Variants in PCSK1 observed in about 807,000 individuals in gnomAD.
PCSK1 encodes the protein proprotein convertase subtilisin/kexin type 1.
A neutral mutation model predicts 90.6 loss-of-function variants in PCSK1; 56 were observed. The observed-to-expected ratio is 0.62, with a 90% CI of 0.50 to 0.77. The LOEUF (loss-of-function observed/expected upper bound fraction) is 0.77. Ranked by LOEUF, PCSK1 falls within the 30% of genes least tolerant of loss-of-function variation. The pLI is 0.00. For synonymous variants in PCSK1, 348 were observed against 342.4 expected, an observed-to-expected ratio of 1.02 and a Z score of -0.18; for missense variants, 801 against 932.6, an observed-to-expected ratio of 0.86 and a Z score of 1.84.
chr5:96,393,907 C>T (rs1222403310), intron 13 of PCSK1, among the ~76,000 whole-genome samples: 1 of 152,150 alleles, frequency 6.6e-6, no homozygotes, highest in Non-Finnish European at 1.5e-5. Context: ...AGCTGGAGAG[C>T]TCAGAGAAGC....
chr5:96,432,134 A>G (rs931750834), intron 1 of PCSK1: 37 of 1,535,662 alleles, frequency 2.4e-5, no homozygotes, highest in Admixed American at 2.0e-4. Flanking sequence ...TCAGTTCGGC[A>G]TCTCGACCCT....
chr5:96,417,487 T>C (rs946031999), intron 5 of PCSK1, among the ~76,000 whole-genome samples: 17 of 152,068 alleles, frequency 1.1e-4, no homozygotes, highest in African/African-American at 3.6e-4. Flanking sequence ...ATGTAGATTA[T>C]AGGGAAGAAA....
chr5:96,422,498 A>G (rs1445363242), intron 4 of PCSK1, among the ~76,000 whole-genome samples: 3 of 151,934 alleles, frequency 2.0e-5, no homozygotes, highest in Admixed American at 6.6e-5. Context: ...TCCAGGCTCC[A>G]CTCCCTTTTC....
rs568831580 is a variant in PCSK1 at position 96,402,789 on chromosome 5, C to T, written c.1197-2603G>A. Among the ~76,000 whole-genome samples the T allele has an allele frequency of 1.4e-4, 21 of 152,198 alleles. No homozygotes were observed. The South Asian group carries it at 1.5e-3, about 11-fold the overall frequency. On this transcript the variant is annotated intron_variant, in intron 9 of 13. Transcript: ENST00000311106. ...GCTCAGCTCACCTGAGCTGAGCTCC[C>T]GACAAACATACCACTTTACCCTGGA...
chr5:96,421,237 A>G (rs1193579551), intron 5 of PCSK1, among the ~76,000 whole-genome samples: 1 of 152,184 alleles, frequency 6.6e-6, no homozygotes, highest in Non-Finnish European at 1.5e-5. Context: ...CTCTCTCACC[A>G]TAATGTGGCT....
At chr5:96,408,511 A>G (rs1238491326) in intron 8 of PCSK1, among the ~76,000 whole-genome samples, 188 bp from the exon 9 acceptor site, 1 of 152,160 alleles carries the variant, frequency 6.6e-6, no homozygotes, top group East Asian at 1.9e-4. Context: ...TTCACCCTCT[A>G]TATGCAACTT....
Position 96,408,282 on chromosome 5 carries a change from T to C in PCSK1, c.1137A>G (p.Thr379=). The change falls in exon 9 of 14, where the codon ACA becomes ACG. Residue 379 remains threonine (T), a synonymous_variant. Coordinates refer to ENST00000311106, the MANE Select transcript of PCSK1 (RefSeq NM_000439.5). ...DLHNDCTETH[T]GTSASAPLAA... is the part of the protein sequence containing the mutation. ...CCAGAGGTGCAGAGGCCGAGGTGCC[T>C]GTGTGCGTCTCCGTGCAGTCATTGT... is the stretch of plus-strand genomic sequence containing the variant. 3 of 1,614,092 alleles carry C rather than the reference T, an allele frequency of 1.9e-6. No individual in the cohort carries two copies. The highest frequency in any genetic ancestry group is 1.1e-5 in the South Asian group (1 of 91,072).
intron 9 of PCSK1, among the ~76,000 whole-genome samples, chr5:96,401,941 ATCAG>A (rs1760390485): frequency 1.3e-5 from 2 of 152,236 alleles, no homozygotes; most frequent in Admixed American, 1.3e-4. Context: ...GCTCCTAGTC[ATCAG>A]TCAGATTCTC....
chr5:96,415,646 A>G (rs1208405577), intron 6 of PCSK1, among the ~76,000 whole-genome samples: 19 of 152,200 alleles, frequency 1.2e-4, no homozygotes, highest in Admixed American at 1.2e-3. Context: ...GTTCTTCTCT[A>G]TAAAGTGAAG....
In PCSK1 at chr5:96,432,919, C is replaced by T; in HGVS notation, c.124G>A (p.Gly42Ser). 1 of 1,614,096 alleles carries T rather than the reference C, an allele frequency of 6.2e-7. No individual in the cohort carries two copies. Among genetic ancestry groups the T allele is most frequent in the Non-Finnish European group, 8.5e-7 (1 of 1,179,984 alleles). ...VNEWAAEIPG[G>S]PEAASAIAEE... ...GCGATGGCCGAGGCTGCTTCCGGGC[C>T]CCCGGGGATCTCCGCTGCCCATTCA... The change falls in exon 1 of 14, where the codon GGC becomes AGC. Residue 42 changes from glycine to serine, a missense_variant. Coordinates refer to ENST00000311106, the MANE Select transcript of PCSK1 (RefSeq NM_000439.5).
Position 96,429,310 on chromosome 5 carries a change from G to A in PCSK1, c.188C>T (p.Ser63Leu), listed in dbSNP as rs756287752. 9 of 1,538,978 alleles carry A rather than the reference G, an allele frequency of 5.8e-6. No individual in the cohort carries two copies. Among genetic ancestry groups the A allele is most frequent in the Non-Finnish European group, 8.1e-6 (9 of 1,111,790 alleles). Reference sequence around the variant, plus strand: ...TTTGAATAAGTAGTGATTTTCAAGTGAACCAATCTATAAAAGGAAAGAAAT... The same window carrying A: ...TTTGAATAAGTAGTGATTTTCAAGTAAACCAATCTATAAAAGGAAAGAAAT... Reference protein sequence around the residue: ...LGYDLLGQIGSLENHYLFKHK... With the variant: ...LGYDLLGQIGLLENHYLFKHK... Residue 63 changes from serine (S) to leucine (L), a missense_variant, in exon 2 of 14, where the codon TCA (serine) becomes TTA (leucine). Transcript: ENST00000311106.
rs183296552 is a variant in PCSK1 at position 96,397,521 on chromosome 5, T to C, written c.1589-52A>G. On this transcript the variant is annotated intron_variant, in intron 11 of 13. Transcript: ENST00000311106. ...TGTCCTAATAGCTCTGATAGTAGGA[T>C]ACACTCTAGCATCTGATAACTGAAA... 4.2e-5 allele frequency: 62 copies of C among 1,479,882 alleles called. 1 individual carries two copies. The East Asian group carries it at 9.5e-4, about 23-fold the overall frequency. The allele number at this position is 1,479,882 out of a possible 1,614,324, so 91.7% of individuals were successfully genotyped here. A position where few individuals can be genotyped will look rare whatever the true frequency, so the allele number is the denominator to read the frequency against.
chr5:96,432,082 C>T, intron 1 of PCSK1: 3 of 1,531,844 alleles, frequency 2.0e-6, no homozygotes, highest in Non-Finnish European at 2.6e-6. Flanking sequence ...CGATTACGTA[C>T]TTGGCTGAAG....
intron 9 of PCSK1, among the ~76,000 whole-genome samples, chr5:96,401,034 C>A (rs1760344562): frequency 7.7e-6 from 1 of 129,232 alleles, no homozygotes; most frequent in African/African-American, 3.1e-5. Context: ...TTGCAGTGAG[C>A]CAAGATTGTG....
At chr5:96,426,669 G>A (rs1221034683) in intron 2 of PCSK1, among the ~76,000 whole-genome samples, 1 of 152,154 alleles carries the variant, frequency 6.6e-6, no homozygotes, top group Non-Finnish European at 1.5e-5. Flanking sequence ...TATTCATTAT[G>A]AGATAATTCT....
rs566921725 is a variant in PCSK1, at chr5:96,412,752, G to GTTTTTTTTTTGTTGTT, written c.710-263_710-262insAACAACAAAAAAAAAA. 1.1e-3 allele frequency among the ~76,000 whole-genome samples: 77 copies of GTTTTTTTTTTGTTGTT among 71,798 alleles called. 1 individual carries two copies. Among genetic ancestry groups the GTTTTTTTTTTGTTGTT allele is most frequent in the African/African-American group, 6.5e-3 (72 of 11,120 alleles). The allele number at this position is 71,798 out of a possible 152,430, so 47.1% of individuals were successfully genotyped here. A position where few individuals can be genotyped will look rare whatever the true frequency, so the allele number is the denominator to read the frequency against. On this transcript the variant is annotated intron_variant, in intron 6 of 13. Transcript: ENST00000311106. ...CATGCACTGTGTAGGCAGCTGTGAT[G>GTTTTTTTTTTGTTGTT]TTTTTTTTTTTTTTTTTTTTTTTGG...
intron 9 of PCSK1, among the ~76,000 whole-genome samples, chr5:96,400,653 G>T (rs533250359): frequency 6.6e-6 from 1 of 152,270 alleles, no homozygotes. Context: ...ACACAGACTG[G>T]CTACCTGCTG....
In PCSK1 at chr5:96,393,212, G is replaced by A. The variant is rs748709855; in HGVS notation, c.2051C>T (p.Ser684Leu). 9.3e-6 allele frequency: 15 copies of A among 1,614,136 alleles called. No individual in the cohort carries two copies. Among genetic ancestry groups the A allele is most frequent in the Non-Finnish European group, 1.2e-5 (14 of 1,179,998 alleles). Reference sequence around the variant, plus strand: ...CTTTGCACTTGGGGACTTCTTTGGTGATTGCTTTGGCGGTGAGTTTTTACT... The same window carrying A: ...CTTTGCACTTGGGGACTTCTTTGGTAATTGCTTTGGCGGTGAGTTTTTACT... ...AFSKNSPPKQ[S>L]PKKSPSAKLN... The change falls in exon 14 of 14, where the codon TCA (serine) becomes TTA (leucine). Residue 684 changes from serine (S) to leucine (L), a missense_variant. Coordinates refer to ENST00000311106, the MANE Select transcript of PCSK1 (RefSeq NM_000439.5).
intron 7 of PCSK1, 49 bp from the exon 8 acceptor site, chr5:96,411,035 C>A: frequency 7.8e-7 from 1 of 1,282,908 alleles, no homozygotes; most frequent in South Asian, 1.2e-5. Flanking sequence ...CTATTGGGGT[C>A]ATTGTTATAT....
Sources: allele counts gnomAD v4.1 joint callset (sites outside exome capture counted in the v4.1 genomes callset), GRCh38; gene constraint gnomAD v4.1.1; transcripts MANE v1.5; gene names NCBI Gene and HGNC (gene_info 2026-07-23, HGNC 2026-07-21).